Variants in CDH12 observed in about 807,000 individuals in gnomAD.
The protein encoded by CDH12 is cadherin 12.
CDH12 carries 41 observed loss-of-function variants against 74.1 expected under a neutral mutation model. The ratio of observed to expected loss-of-function variants is 0.55; its 90% confidence interval spans 0.43 to 0.72. CDH12 has a LOEUF of 0.72. CDH12 is among the 30% of genes least tolerant of loss of function. CDH12 has a pLI of 0.00. For synonymous variants in CDH12, 399 were observed against 355.0 expected, an observed-to-expected ratio of 1.12 and a Z score of -1.39; for missense variants, 945 against 977.2, an observed-to-expected ratio of 0.97 and a Z score of 0.44.
chr5:22,071,351 C>G (rs769478328), intron 5 of CDH12, among the ~76,000 whole-genome samples: 1 of 152,012 alleles, frequency 6.6e-6, no homozygotes, highest in African/African-American at 2.4e-5. Flanking sequence ...CTGAGCTGTA[C>G]ACATCTCTTT....
chr5:21,830,415 T>C (rs1182984738), intron 8 of CDH12, among the ~76,000 whole-genome samples: 1 of 151,976 alleles, frequency 6.6e-6, no homozygotes. Flanking sequence ...TTGTATTGAT[T>C]TACCTAATTC....
At chr5:22,029,232 C>T (rs1561036136) in intron 5 of CDH12, among the ~76,000 whole-genome samples, 2 of 151,992 alleles carry the variant, frequency 1.3e-5, no homozygotes, top group South Asian at 2.1e-4. Context: ...ACACCAAAAG[C>T]AATGGCAACA....
chr5:22,532,380 T>C (rs1453728083), intron 1 of CDH12, among the ~76,000 whole-genome samples: 1 of 84,028 alleles, frequency 1.2e-5, no homozygotes, highest in Non-Finnish European at 2.4e-5. Context: ...TATATATATG[T>C]ATGTATCCTA....
At chr5:22,721,886 C>T (rs1247727787) in intron 1 of CDH12, among the ~76,000 whole-genome samples, 1 of 152,054 alleles carries the variant, frequency 6.6e-6, no homozygotes, top group Non-Finnish European at 1.5e-5. Context: ...CTTGCTTCTC[C>T]TTCTCCTTCT....
chr5:22,215,453 A>C (rs1302450167), intron 3 of CDH12, among the ~76,000 whole-genome samples: 1 of 152,164 alleles, frequency 6.6e-6, no homozygotes, highest in Non-Finnish European at 1.5e-5. Context: ...CACAAAAAAA[A>C]CTTTAGGCTA....
intron 3 of CDH12, among the ~76,000 whole-genome samples, chr5:22,234,516 G>A (rs1274020121): frequency 6.6e-6 from 1 of 151,752 alleles, no homozygotes; most frequent in Admixed American, 6.6e-5. Context: ...CAGCCATGTG[G>A]ACCTGTAAGT....
intron 1 of CDH12, among the ~76,000 whole-genome samples, chr5:22,513,043 T>A (rs547684551): frequency 6.6e-6 from 1 of 152,090 alleles, no homozygotes; most frequent in East Asian, 1.9e-4. Flanking sequence ...TCTAAAAAGA[T>A]AATAATAATA....
intron 6 of CDH12, among the ~76,000 whole-genome samples, chr5:21,907,168 G>A (rs1753678652): frequency 6.6e-6 from 1 of 152,192 alleles, no homozygotes; most frequent in Non-Finnish European, 1.5e-5. Context: ...GGTGCTACAG[G>A]TCTGCAATGC....
At chr5:22,697,328 T>C (rs1315549790) in intron 1 of CDH12, among the ~76,000 whole-genome samples, 2 of 151,886 alleles carry the variant, frequency 1.3e-5, no homozygotes, top group Non-Finnish European at 2.9e-5. Flanking sequence ...TCCCAGCACT[T>C]TGGGAGGCCG....
chr5:22,362,048 A>G (rs1740826882), intron 3 of CDH12, among the ~76,000 whole-genome samples: 1 of 152,222 alleles, frequency 6.6e-6, no homozygotes, highest in South Asian at 2.1e-4. Flanking sequence ...AAACACCAAA[A>G]GCAAAGGCAA....
intron 3 of CDH12, among the ~76,000 whole-genome samples, chr5:22,344,040 C>T (rs191442365): frequency 2.0e-4 from 31 of 152,234 alleles, no homozygotes; most frequent in East Asian, 7.7e-4. Flanking sequence ...CTAAGAAACA[C>T]CCTGAAGGGC....
intron 4 of CDH12, among the ~76,000 whole-genome samples, chr5:22,115,076 T>C (rs1008434029): frequency 5.3e-5 from 8 of 152,162 alleles, no homozygotes; most frequent in Admixed American, 3.9e-4. Context: ...TACATTCTCT[T>C]TTAACCACCC....
chr5:22,102,600 C>T (rs1477750450), intron 4 of CDH12, among the ~76,000 whole-genome samples: 4 of 151,898 alleles, frequency 2.6e-5, no homozygotes, highest in Non-Finnish European at 2.9e-5. Context: ...ACCCGGGAGG[C>T]GTAGGTTGCA....
chr5:21,997,443 C>T (rs935483335), intron 5 of CDH12, among the ~76,000 whole-genome samples: 6 of 152,004 alleles, frequency 3.9e-5, no homozygotes, highest in African/African-American at 1.2e-4. Flanking sequence ...TAGTTACATG[C>T]CTGAAATGGA....
intron 3 of CDH12, among the ~76,000 whole-genome samples, chr5:22,322,470 A>AT (rs1187210398): frequency 1.3e-5 from 2 of 152,088 alleles, no homozygotes; most frequent in Admixed American, 1.3e-4. Flanking sequence ...TTATATCATT[A>AT]TTTTCTCTGC....
At chr5:22,662,958 A>G (rs1484453803) in intron 1 of CDH12, among the ~76,000 whole-genome samples, 4 of 152,216 alleles carry the variant, frequency 2.6e-5, no homozygotes, top group African/African-American at 4.8e-5. Flanking sequence ...TCTAAATTTT[A>G]CCAATTATAG....
chr5:22,573,220 C>A (rs576089100), intron 1 of CDH12, among the ~76,000 whole-genome samples: 1 of 152,214 alleles, frequency 6.6e-6, no homozygotes, highest in Admixed American at 6.5e-5. Flanking sequence ...GTCCTTAGAA[C>A]ATTTGACAAA....
At chr5:22,138,810 T>C (rs1196135782) in intron 4 of CDH12, among the ~76,000 whole-genome samples, 1 of 143,074 alleles carries the variant, frequency 7.0e-6, no homozygotes, top group African/African-American at 2.5e-5. Flanking sequence ...TATAATTATA[T>C]ATATAATTGA....
chr5:21,947,956 G>A (rs1755655084), intron 6 of CDH12, among the ~76,000 whole-genome samples: 1 of 152,246 alleles, frequency 6.6e-6, no homozygotes, highest in Non-Finnish European at 1.5e-5. Flanking sequence ...TTGATTCAGA[G>A]GGTGCAAGCC....
Sources: allele counts gnomAD v4.1 joint callset (sites outside exome capture counted in the v4.1 genomes callset), GRCh38; gene constraint gnomAD v4.1.1; transcripts MANE v1.5; gene names NCBI Gene and HGNC (gene_info 2026-07-23, HGNC 2026-07-21).